The following GHR variants were observed in gnomAD, a reference collection of about 807,000 sequenced individuals.
GHR encodes growth hormone receptor.
In GHR, 35 loss-of-function variants were observed where a neutral mutation model predicts 67.1. The observed-to-expected ratio is 0.52, with a 90% CI of 0.40 to 0.69. The LOEUF (loss-of-function observed/expected upper bound fraction) is 0.69. GHR is among the 30% of genes least tolerant of loss of function. GHR has a pLI of 0.00. For missense variants in GHR, 792 were observed against 764.6 expected (o/e 1.04, Z -0.42); for synonymous variants, 272 against 269.1 (o/e 1.01, Z -0.10).
chr5:42,463,713 G>A (rs932671489), intron 1 of GHR, among the ~76,000 whole-genome samples: 1 of 152,094 alleles, frequency 6.6e-6, no homozygotes, highest in African/African-American at 2.4e-5. Flanking sequence ...AATTTAGTGG[G>A]CCGGGCGCGG....
chr5:42,694,508 C>A (rs1757574588), intron 4 of GHR, among the ~76,000 whole-genome samples: 1 of 152,120 alleles, frequency 6.6e-6, no homozygotes, highest in African/African-American at 2.4e-5. Flanking sequence ...GTGAAACAGC[C>A]AGGTCTAAAC....
chr5:42,600,701 C>A (rs1007436056), intron 2 of GHR, among the ~76,000 whole-genome samples: 1 of 152,154 alleles, frequency 6.6e-6, no homozygotes, highest in African/African-American at 2.4e-5. Context: ...GGGTATGACA[C>A]CTGGCCTACC....
At chr5:42,537,180 A>T (rs958199429) in intron 1 of GHR, among the ~76,000 whole-genome samples, 1 of 151,152 alleles carries the variant, frequency 6.6e-6, no homozygotes, top group Non-Finnish European at 1.5e-5. Flanking sequence ...GTTCTTGGTT[A>T]TGTCCTCTCT....
rs144590349 is a variant in GHR at position 42,474,333 on chromosome 5, G to GAAAGAAAGAAAGAAAGAAAGAAAAGAAAT, written c.-12+50385_-12+50386insGAAAGAAAGAAAGAAAAGAAATAAAGAAA. Among the ~76,000 whole-genome samples the GAAAGAAAGAAAGAAAGAAAGAAAAGAAAT allele has an allele frequency of 8.8e-3, 1,316 of 148,814 alleles. 21 individuals carry two copies. Among genetic ancestry groups the GAAAGAAAGAAAGAAAGAAAGAAAAGAAAT allele is most frequent in the Middle Eastern group, 0.017 (5 of 292 alleles). On this transcript the variant is annotated intron_variant, in intron 1 of 9. Transcript: ENST00000230882. ...AGAAAGAAAGAAAGAAAGAAAGAAAGAAAGAAAAGAAATAAAGAAAGAAAG... is the reference window on the plus strand; with the variant it reads ...AGAAAGAAAGAAAGAAAGAAAGAAAGAAAGAAAGAAAGAAAGAAAGAAAAGAAATAAAGAAAAGAAATAAAGAAAGAAAG...
At chr5:42,612,382 T>C (rs181311535) in intron 2 of GHR, among the ~76,000 whole-genome samples, 1 of 152,254 alleles carries the variant, frequency 6.6e-6, no homozygotes, top group East Asian at 1.9e-4. Context: ...ATTATATGCA[T>C]AATTAAGTTT....
In GHR at chr5:42,447,844, A is replaced by G. The variant is rs535566508; in HGVS notation, c.-12+23889A>G. Among the ~76,000 whole-genome samples, 137 of 151,134 alleles carry G rather than the reference A, an allele frequency of 9.1e-4. 4 individuals are homozygous for G. The South Asian group carries it at 0.028, about 31-fold the overall frequency. On this transcript the variant is annotated intron_variant, in intron 1 of 9. Transcript: ENST00000230882. ...GGTGCCATGATCTCAGCTCACTGCA[A>G]CGTCCAACCTCTGCCTCCCAGGTTC...
chr5:42,629,062 C>T lies in GHR; in HGVS notation c.95C>T (p.Ala32Val), dbSNP rs759746207. Residue 32 changes from alanine to valine, a missense_variant, in exon 3 of 10, where the codon GCA (alanine) becomes GTA (valine). Coordinates refer to ENST00000230882, the MANE Select transcript of GHR (RefSeq NM_000163.5). ...GCCACAGCAGCTATCCTTAGCAGAG[C>T]ACCCTGGAGTCTGCAAAGTGTTAAT... The part of the protein sequence containing the change: ...SEATAAILSR[A>V]PWSLQSVNPG... 3.0e-5 allele frequency: 43 copies of T among 1,417,456 alleles called. 9 individuals are homozygous for T. The highest frequency in any genetic ancestry group is 3.9e-5 in the Non-Finnish European group (40 of 1,031,718). The allele number at this position is 1,417,456 out of a possible 1,614,324, so 87.8% of individuals were successfully genotyped here.
intron 1 of GHR, among the ~76,000 whole-genome samples, chr5:42,441,786 G>A (rs957507339): frequency 6.6e-6 from 1 of 152,186 alleles, no homozygotes; most frequent in African/African-American, 2.4e-5. Context: ...TGGGATTACA[G>A]GTGTGAGCCA....
chr5:42,439,337 T>C (rs1199564439), intron 1 of GHR, among the ~76,000 whole-genome samples: 1 of 152,238 alleles, frequency 6.6e-6, no homozygotes, highest in Non-Finnish European at 1.5e-5. Flanking sequence ...GTTTGCACTT[T>C]CCATGATTTG....
At chr5:42,531,533 C>T (rs1049550126) in intron 1 of GHR, among the ~76,000 whole-genome samples, 9 of 151,684 alleles carry the variant, frequency 5.9e-5, no homozygotes, top group South Asian at 2.1e-4. Context: ...GCTGGAGTGC[C>T]GTGGTGTAAT....
rs899805453 is a variant in GHR at position 42,596,429 on chromosome 5, A to G, written c.70+30485A>G. Among the ~76,000 whole-genome samples the G allele has an allele frequency of 5.3e-5, 8 of 152,328 alleles. No homozygotes were observed. In the South Asian group the frequency reaches 1.7e-3, roughly 32 times the overall value. On this transcript the variant is annotated intron_variant, in intron 2 of 9. Transcript: ENST00000230882. ...GGCTGGCTGGAGTAGCAGTCATTGA[A>G]GAAACCCATGAAAACAGCGGCAGAA...
Position 42,634,795 on chromosome 5 carries a change from T to C in GHR, c.136+5692T>C, listed in dbSNP as rs773768194. 5.7e-4 allele frequency among the ~76,000 whole-genome samples: 87 copies of C among 152,156 alleles called. 1 individual carries two copies. Among genetic ancestry groups the C allele is most frequent in the Non-Finnish European group, 6.2e-4 (42 of 68,026 alleles). ...GTCTTGGATAACGTTGCAGGACATATCAGTTCAACTGCCAAGGGAATCATA... is the reference window on the plus strand; with the variant it reads ...GTCTTGGATAACGTTGCAGGACATACCAGTTCAACTGCCAAGGGAATCATA... On this transcript the variant is annotated intron_variant, in intron 3 of 9. Coordinates refer to ENST00000230882, the MANE Select transcript of GHR (RefSeq NM_000163.5).
chr5:42,424,449 A>T lies in GHR; in HGVS notation c.-12+494A>T. On this transcript the variant is annotated intron_variant, in intron 1 of 9. Transcript: ENST00000230882. This position sits in a 1 kb window ranked among gnomAD's most constrained non-coding sequence, Gnocchi z 4.1. ...GCGGGGAAGAATCCCCGGCAGCGCG[A>T]CTGGAGAGACTGGGGAGGTCGAGCT... 1 of 682,242 alleles carries T rather than the reference A, an allele frequency of 1.5e-6. No homozygotes were observed. The highest frequency in any genetic ancestry group is 2.6e-6 in the Non-Finnish European group (1 of 389,790). The allele number at this position is 682,242 out of a possible 1,614,324, so 42.3% of individuals were successfully genotyped here. A position where few individuals can be genotyped will look rare whatever the true frequency, so the allele number is the denominator to read the frequency against.
chr5:42,647,212 G>C lies in GHR; in HGVS notation c.136+18109G>C, dbSNP rs115928731. 1.9e-3 allele frequency among the ~76,000 whole-genome samples: 289 copies of C among 152,074 alleles called. 2 individuals carry two copies. Among genetic ancestry groups the C allele is most frequent in the African/African-American group, 6.6e-3 (274 of 41,454 alleles). On this transcript the variant is annotated intron_variant, in intron 3 of 9. Coordinates refer to ENST00000230882, the MANE Select transcript of GHR (RefSeq NM_000163.5). ...GTGCAAAGTTTAAGGCGGAATTGTG[G>C]GTCCCTTTTCAATATGAATAAAATT...
intron 1 of GHR, among the ~76,000 whole-genome samples, chr5:42,454,846 T>C (rs967016122): frequency 3.3e-5 from 5 of 152,104 alleles, no homozygotes; most frequent in Admixed American, 1.3e-4. Context: ...CCCACAAGGT[T>C]CCTGTGCTCA....
chr5:42,718,055 T>C lies in GHR; in HGVS notation c.879T>C (p.Ile293=). Residue 293 remains isoleucine, a synonymous_variant, in exon 9 of 10, where the codon ATT becomes ATC. Coordinates refer to ENST00000230882, the MANE Select transcript of GHR (RefSeq NM_000163.5). ...FVFLFSKQQR[I]KMLILPPVPV... Reference sequence around the variant, plus strand: ...CAAAATTTTATATGTTTTCAAGGATTAAAATGCTGATTCTGCCCCCAGTTC... The same window carrying C: ...CAAAATTTTATATGTTTTCAAGGATCAAAATGCTGATTCTGCCCCCAGTTC... 1 of 1,565,780 alleles carries C rather than the reference T, an allele frequency of 6.4e-7. No homozygotes were observed.
At chr5:42,668,707 T>C (rs1435952744) in intron 3 of GHR, among the ~76,000 whole-genome samples, 1 of 152,216 alleles carries the variant, frequency 6.6e-6, no homozygotes, top group Non-Finnish European at 1.5e-5. Flanking sequence ...GGCCATGTGC[T>C]TGTAGACCAT....
At chr5:42,453,032 A>G (rs138807452) in intron 1 of GHR, among the ~76,000 whole-genome samples, 1 of 150,776 alleles carries the variant, frequency 6.6e-6, no homozygotes, top group Non-Finnish European at 1.5e-5. Context: ...TATTACTTAA[A>G]ATTGTTTTTG....
intron 1 of GHR, among the ~76,000 whole-genome samples, chr5:42,521,054 C>A (rs972069355): frequency 1.3e-5 from 2 of 152,118 alleles, no homozygotes; most frequent in Non-Finnish European, 2.9e-5. Flanking sequence ...AGTAGGAAAC[C>A]TTTACCACTG....
Sources: allele counts gnomAD v4.1 joint callset (sites outside exome capture counted in the v4.1 genomes callset), GRCh38; gene constraint gnomAD v4.1.1; non-coding constraint Gnocchi (gnomAD v3.1); transcripts MANE v1.5; gene names NCBI Gene and HGNC (gene_info 2026-07-23, HGNC 2026-07-21).